VPS13B: variants seen among roughly 807,000 people sequenced by gnomAD.
VPS13B encodes the protein vacuolar protein sorting 13 homolog B.
In VPS13B, 285 loss-of-function variants were observed where a neutral mutation model predicts 426.4. That is an observed-to-expected ratio of 0.67 (90% CI 0.61 to 0.74). The LOEUF is 0.74. Ranked by LOEUF, VPS13B falls within the 30% of genes least tolerant of loss-of-function variation. VPS13B has a pLI of 0.00. For synonymous variants in VPS13B, 1,676 were observed against 1,676.4 expected (o/e 1.00, Z 0.01); for missense variants, 4,537 against 4,782.6 (o/e 0.95, Z 1.51).
At chr8:99,131,917 G>T (rs976969268) in intron 8 of VPS13B, among the ~76,000 whole-genome samples, 1 of 151,932 alleles carries the variant, frequency 6.6e-6, no homozygotes, top group African/African-American at 2.4e-5. Flanking sequence ...TTTTTTTTGA[G>T]ACAGAGCCTC....
intron 19 of VPS13B, among the ~76,000 whole-genome samples, chr8:99,334,456 T>TTCCCTTTGAAA (rs930714624): frequency 2.6e-5 from 4 of 152,028 alleles, no homozygotes; most frequent in Non-Finnish European, 4.4e-5. Flanking sequence ...ATGCTTCCAG[T>TTCCCTTTGAAA]TTTTGCCCAT....
intron 30 of VPS13B, among the ~76,000 whole-genome samples, chr8:99,544,842 T>A (rs757812988): frequency 2.8e-4 from 42 of 152,172 alleles, no homozygotes; most frequent in Non-Finnish European, 4.9e-4. Context: ...TTAGATAGCA[T>A]TTTACAGGTT....
intron 19 of VPS13B, among the ~76,000 whole-genome samples, chr8:99,302,775 C>A (rs1820433327): frequency 6.6e-6 from 1 of 152,078 alleles, no homozygotes; most frequent in African/African-American, 2.4e-5. Context: ...TCCCAAAATG[C>A]TGGGATTACA....
At position 99,275,203 on chromosome 8, in the gene VPS13B, A is replaced by G; in HGVS notation, c.2773A>G (p.Met925Val). 6.2e-7 allele frequency: 1 copy of G among 1,611,860 alleles called. No homozygotes were observed. Among genetic ancestry groups the G allele is most frequent in the South Asian group, 1.1e-5 (1 of 90,964 alleles). The change falls in exon 19 of 62, where the codon ATG becomes GTG. Residue 925 changes from methionine (M) to valine (V), a missense_variant. Physicochemically the swap from Met to Val is conservative, Grantham distance 21. This residue lies in a region of VPS13B where 4,311 missense variants were observed against 4,474.3 expected (regional missense o/e 0.96). Coordinates refer to ENST00000357162, the MANE Select transcript of VPS13B (RefSeq NM_152564.5). ...KPESLLAPDL[M>V]AFTIQVPQYI... Reference sequence around the variant, plus strand: ...AGAGTCTCTCTTAGCTCCAGATTTGATGGCCTTCACAATCCAAGTTCCACA... The same window carrying G: ...AGAGTCTCTCTTAGCTCCAGATTTGGTGGCCTTCACAATCCAAGTTCCACA...
intron 3 of VPS13B, among the ~76,000 whole-genome samples, chr8:99,081,473 G>A (rs982303286): frequency 1.3e-5 from 2 of 151,806 alleles, no homozygotes; most frequent in African/African-American, 2.4e-5. Context: ...CGTGCACAAC[G>A]TGCAGGTTTG....
intron 30 of VPS13B, among the ~76,000 whole-genome samples, chr8:99,545,110 T>A (rs1389188609): frequency 6.6e-6 from 1 of 152,066 alleles, no homozygotes; most frequent in Admixed American, 6.5e-5. Flanking sequence ...CCTTGCTTTT[T>A]AAACTCTGCC....
Position 99,670,947 on chromosome 8 carries a change from A to G in VPS13B, c.6046+9456A>G, listed in dbSNP as rs1157978558. On this transcript the variant is annotated intron_variant, in intron 35 of 61. Coordinates refer to ENST00000357162, the MANE Select transcript of VPS13B (RefSeq NM_152564.5). ...TGAATTGTGCTGCAGTAAACATAGG[A>G]GTGCAAATATATCTCTTCGGCACAC... Among the ~76,000 whole-genome samples, 3 of 152,234 alleles carry G rather than the reference A, an allele frequency of 2.0e-5. No individual in the cohort carries two copies. In the South Asian group the frequency reaches 6.2e-4, roughly 32 times the overall value.
Position 99,848,815 on chromosome 8 carries a change from G to C in VPS13B, c.9982G>C (p.Val3328Leu). 6.2e-7 allele frequency: 1 copy of C among 1,614,136 alleles called. No individual in the cohort carries two copies. The highest frequency in any genetic ancestry group is 8.5e-7 in the Non-Finnish European group (1 of 1,180,002). ...TGGCTTTGGCTATGTGTATGTGGATGTTGTACATCAGTGTGGCACAGTCTT... is the reference window on the plus strand; with the variant it reads ...TGGCTTTGGCTATGTGTATGTGGATCTTGTACATCAGTGTGGCACAGTCTT... Reference protein sequence around the residue: ...LTGFGYVYVDVVHQCGTVFIT... With the variant: ...LTGFGYVYVDLVHQCGTVFIT... Residue 3328 changes from valine (V) to leucine (L), a missense_variant, in exon 55 of 62, where the codon GTT (valine) becomes CTT (leucine). Around this residue, in one of 2 missense-constraint regions of VPS13B, gnomAD observed 4,311 missense variants for 4,474.3 expected, o/e 0.96. Coordinates refer to ENST00000357162, the MANE Select transcript of VPS13B (RefSeq NM_152564.5).
chr8:99,315,107 G>T, intron 19 of VPS13B, among the ~76,000 whole-genome samples: 1 of 152,108 alleles, frequency 6.6e-6, no homozygotes, highest in East Asian at 1.9e-4. Context: ...TTACATTCAA[G>T]GTTTTTAAAA....
chr8:99,809,444 G>T lies in VPS13B; in HGVS notation c.8011G>T (p.Gly2671Trp). 6.2e-7 allele frequency: 1 copy of T among 1,613,964 alleles called. No homozygotes were observed. The highest frequency in any genetic ancestry group is 1.1e-5 in the South Asian group (1 of 91,064). ...AGAGCCTTTCAGTGTGGACCATGCC[G>T]GGACTTTTATTAGAACAATTCAGTA... ...WSEPFSVDHA[G>W]TFIRTIQYRG... The change falls in exon 44 of 62, where the codon GGG becomes TGG. Residue 2671 changes from glycine to tryptophan, a missense_variant. Around this residue, in one of 2 missense-constraint regions of VPS13B, gnomAD observed 4,311 missense variants for 4,474.3 expected, o/e 0.96. Transcript: ENST00000357162.
chr8:99,611,620 G>T (rs72674682), intron 33 of VPS13B, among the ~76,000 whole-genome samples: 2 of 151,720 alleles, frequency 1.3e-5, no homozygotes, highest in African/African-American at 4.8e-5. Context: ...TATTTGTTAT[G>T]GGAGTAATTT....
At chr8:99,021,044 TC>T in intron 2 of VPS13B, among the ~76,000 whole-genome samples, 1 of 152,346 alleles carries the variant, frequency 6.6e-6, no homozygotes, top group Middle Eastern at 3.4e-3. Context: ...TCAAGGAATT[TC>T]CCTATTTCTT....
chr8:99,219,715 C>T (rs1246034316), intron 17 of VPS13B, among the ~76,000 whole-genome samples: 2 of 152,210 alleles, frequency 1.3e-5, no homozygotes, highest in East Asian at 3.9e-4. Context: ...GGCCTTAGTT[C>T]ATCCATGAGG....
intron 3 of VPS13B, among the ~76,000 whole-genome samples, chr8:99,067,636 G>GTATAACT (rs1293638841): frequency 3.2e-4 from 48 of 152,266 alleles, no homozygotes; most frequent in African/African-American, 1.2e-3. Context: ...AGAACTTAAA[G>GTATAACT]TATAACTTAA....
At chr8:99,115,050 C>T (rs1432199076) in intron 6 of VPS13B, among the ~76,000 whole-genome samples, 5 of 152,032 alleles carry the variant, frequency 3.3e-5, no homozygotes, top group Admixed American at 2.6e-4. Context: ...AGTTTTATGT[C>T]ATTTAAATCT....
intron 7 of VPS13B, among the ~76,000 whole-genome samples, chr8:99,116,496 T>C (rs1256259558): frequency 6.6e-6 from 1 of 152,134 alleles, no homozygotes; most frequent in African/African-American, 2.4e-5. Flanking sequence ...TGCAGTGGCA[T>C]GATCATGGGT....
chr8:99,724,899 C>T (rs1052161336), intron 39 of VPS13B, among the ~76,000 whole-genome samples: 24 of 152,140 alleles, frequency 1.6e-4, no homozygotes, highest in African/African-American at 5.6e-4. Flanking sequence ...ATAAACTGCC[C>T]CCATCCCCCA....
At chr8:99,260,310 C>T (rs1588183021) in intron 17 of VPS13B, among the ~76,000 whole-genome samples, 1 of 151,892 alleles carries the variant, frequency 6.6e-6, no homozygotes, top group Non-Finnish European at 1.5e-5. Flanking sequence ...TTTTTTTCCC[C>T]TGACAAAATA....
At chr8:99,446,130 G>C (rs905406382) in intron 23 of VPS13B, among the ~76,000 whole-genome samples, 2 of 152,136 alleles carry the variant, frequency 1.3e-5, no homozygotes, top group African/African-American at 4.8e-5. Context: ...TCACAGCTTA[G>C]CCCTTCCTTC....
Sources: allele counts gnomAD v4.1 joint callset (sites outside exome capture counted in the v4.1 genomes callset), GRCh38; gene constraint gnomAD v4.1.1; regional missense constraint gnomAD v4.1.1; transcripts MANE v1.5; gene names NCBI Gene and HGNC (gene_info 2026-07-23, HGNC 2026-07-21).